The following RGS5 variants were observed in gnomAD, a reference collection of about 807,000 sequenced individuals.
RGS5 encodes regulator of G-protein signalling 5.
RGS5 carries 20 observed loss-of-function variants against 18.9 expected under a neutral mutation model. That is an observed-to-expected ratio of 1.06 (90% CI 0.74 to 1.54). The LOEUF (loss-of-function observed/expected upper bound fraction) is 1.54, where lower values mean the gene tolerates loss of function less well. Ranked by LOEUF, RGS5 falls within the 40% of genes most tolerant of loss-of-function variation. RGS5 has a pLI of 0.00. For missense variants in RGS5, 201 were observed against 211.8 expected (o/e 0.95, Z 0.32); for synonymous variants, 57 against 76.2 (o/e 0.75, Z 1.31).
chr1:163,165,962 A>G (rs1658028261), intron 2 of RGS5, among the ~76,000 whole-genome samples: 1 of 152,166 alleles, frequency 6.6e-6, no homozygotes, highest in African/African-American at 2.4e-5. Flanking sequence ...AATGCTGCAG[A>G]CAAGTCACAG....
At chr1:163,302,004 T>TTTC (rs1649564559) in intron 2 of RGS5, among the ~76,000 whole-genome samples, 1 of 144,244 alleles carries the variant, frequency 6.9e-6, no homozygotes, top group Non-Finnish European at 1.5e-5. Flanking sequence ...TTTTTCCTGT[T>TTTC]TTTTTTTTTT....
intron 2 of RGS5, among the ~76,000 whole-genome samples, chr1:163,284,494 G>C (rs1649085493): frequency 6.6e-6 from 1 of 151,962 alleles, no homozygotes; most frequent in Admixed American, 6.6e-5. Context: ...CTTTTCCACT[G>C]AGATTACCAG....
At chr1:163,294,869 C>G (rs1333447710) in intron 2 of RGS5, among the ~76,000 whole-genome samples, 1 of 152,090 alleles carries the variant, frequency 6.6e-6, no homozygotes, top group Admixed American at 6.6e-5. Flanking sequence ...CTCCAGATAC[C>G]CTAAATCATC....
exon 2 of RGS5, chr1:163,306,309 T>C (rs1359773957): frequency 6.6e-6 from 1 of 152,218 alleles, no homozygotes; most frequent in Admixed American, 6.5e-5. Flanking sequence ...ATCCAGACAG[T>C]GCTTTTTAAG....
At chr1:163,206,646 A>G (rs1659962050), upstream of RGS5, 1 of 152,164 alleles carries the variant, frequency 6.6e-6, no homozygotes. Context: ...AGCCCTTATA[A>G]AAGGGCTTGA....
intron 2 of RGS5, among the ~76,000 whole-genome samples, chr1:163,251,174 T>C (rs1571319296): frequency 1.3e-5 from 2 of 152,212 alleles, no homozygotes; most frequent in South Asian, 2.1e-4. Flanking sequence ...CTCGATCCTC[T>C]GTCATGCCTA....
chr1:163,162,680 G>T (rs1473542099), intron 2 of RGS5: 1 of 151,890 alleles, frequency 6.6e-6, no homozygotes, highest in African/African-American at 2.4e-5. Flanking sequence ...AAAGGAGAAG[G>T]TTATAGCCAA....
chr1:163,179,027 T>C (rs913853872), intron 1 of RGS5, among the ~76,000 whole-genome samples: 1 of 152,190 alleles, frequency 6.6e-6, no homozygotes, highest in Non-Finnish European at 1.5e-5. Context: ...CTCCCAACTG[T>C]GGCAAAAATC....
At chr1:163,316,251 C>T (rs980241004) in intron 1 of RGS5, among the ~76,000 whole-genome samples, 2 of 152,122 alleles carry the variant, frequency 1.3e-5, no homozygotes, top group East Asian at 1.9e-4. Context: ...ATAGGAGAGA[C>T]GTATCATTAT....
At chr1:163,283,245 T>C (rs191021077) in intron 2 of RGS5, among the ~76,000 whole-genome samples, 3 of 152,286 alleles carry the variant, frequency 2.0e-5, no homozygotes, top group Admixed American at 2.0e-4. Context: ...TGATTAACTA[T>C]ACTTTAGTGT....
chr1:163,318,731 A>G (rs1248155656), intron 1 of RGS5: 1 of 152,198 alleles, frequency 6.6e-6, no homozygotes, highest in Non-Finnish European at 1.5e-5. Context: ...GGAGAAATGC[A>G]AAACGAGTTT....
At chr1:163,167,020 C>T (rs780322624) in intron 2 of RGS5, among the ~76,000 whole-genome samples, 7 of 151,854 alleles carry the variant, frequency 4.6e-5, no homozygotes, top group South Asian at 2.1e-4. Flanking sequence ...ATGCAGAAAA[C>T]GCAATTATGC....
At chr1:163,246,501 G>A (rs1418703966) in intron 2 of RGS5, among the ~76,000 whole-genome samples, 2 of 152,024 alleles carry the variant, frequency 1.3e-5, no homozygotes, top group Non-Finnish European at 2.9e-5. Flanking sequence ...AACCCAGGAG[G>A]TGGAGGTTGC....
At chr1:163,156,661 GAC>G (rs1394541653) in intron 3 of RGS5, among the ~76,000 whole-genome samples, 1 of 152,096 alleles carries the variant, frequency 6.6e-6, no homozygotes, top group Non-Finnish European at 1.5e-5. Context: ...GCAGAAATAA[GAC>G]ACATTCAGGG....
At chr1:163,247,292 A>C (rs1281590268) in intron 2 of RGS5, among the ~76,000 whole-genome samples, 10 of 152,196 alleles carry the variant, frequency 6.6e-5, no homozygotes, top group Non-Finnish European at 2.9e-5. Context: ...CTGATAAGAA[A>C]ATGTGAGTTT....
intron 1 of RGS5, among the ~76,000 whole-genome samples, chr1:163,170,366 T>C (rs1372400533): frequency 6.6e-6 from 1 of 152,218 alleles, no homozygotes; most frequent in Non-Finnish European, 1.5e-5. Context: ...TAAAAATATC[T>C]TGATTTTGTT....
chr1:163,247,741 T>C (rs974862873), intron 2 of RGS5, among the ~76,000 whole-genome samples: 2 of 152,098 alleles, frequency 1.3e-5, no homozygotes, highest in African/African-American at 4.8e-5. Context: ...CCCTCAGTGA[T>C]TTTGTTGTAT....
intron 1 of RGS5, among the ~76,000 whole-genome samples, chr1:163,195,185 C>T (rs887513190): frequency 3.3e-5 from 5 of 152,126 alleles, no homozygotes; most frequent in East Asian, 1.9e-4. Flanking sequence ...AACTAACCTA[C>T]GTGCCCATCG....
rs1454070962 is a variant in RGS5 at position 163,144,444 on chromosome 1, G to A, written c.*2898C>T. ...CAGGCAACTACCTGGGCTAATCTTA[G>A]GTTTTTTTCTCAAGAGTGAGAACCA... On this transcript the variant is annotated 3_prime_UTR_variant, in exon 5 of 5. Coordinates refer to ENST00000313961, the MANE Select transcript of RGS5 (RefSeq NM_003617.4). The A allele has an allele frequency of 6.6e-5, 10 of 152,232 alleles. No individual in the cohort carries two copies. The highest frequency in any genetic ancestry group is 2.6e-4 in the Admixed American group (4 of 15,264). 9.4% of individuals were successfully genotyped at this position (152,232 alleles called of 1,614,324 possible).
Sources: allele counts gnomAD v4.1 joint callset (sites outside exome capture counted in the v4.1 genomes callset), GRCh38; gene constraint gnomAD v4.1.1; transcripts MANE v1.5; gene names NCBI Gene and HGNC (gene_info 2026-07-23, HGNC 2026-07-21).